CYP4F22: variants seen among roughly 807,000 people sequenced by gnomAD.
CYP4F22 encodes cytochrome P450 family 4 subfamily F member 22, also known as ultra-long-chain fatty acid omega-hydroxylase.
In CYP4F22, 37 loss-of-function variants were observed where a neutral mutation model predicts 60.4. The observed-to-expected ratio is 0.61, with a 90% CI of 0.47 to 0.81. CYP4F22 has a LOEUF of 0.81. CYP4F22 is among the 30% of genes least tolerant of loss of function. The pLI is 0.00. For synonymous variants in CYP4F22, 258 were observed against 280.5 expected, an observed-to-expected ratio of 0.92 and a Z score of 0.80; for missense variants, 655 against 715.0, an observed-to-expected ratio of 0.92 and a Z score of 0.96.
intron 8 of CYP4F22, among the ~76,000 whole-genome samples, chr19:15,541,909 A>G (rs992037716): frequency 7.9e-5 from 12 of 151,748 alleles, no homozygotes; most frequent in African/African-American, 2.7e-4. Flanking sequence ...CATGACCTTG[A>G]AGAGATGAGA....
At chr19:15,526,355 T>C (rs1203633139) in intron 3 of CYP4F22, among the ~76,000 whole-genome samples, 1 of 152,170 alleles carries the variant, frequency 6.6e-6, no homozygotes, top group Non-Finnish European at 1.5e-5. Context: ...TACCCTTTTA[T>C]TGCATTGAAT....
At position 15,544,012 on chromosome 19, in the gene CYP4F22, C is replaced by T. The variant is rs377660316; in HGVS notation, c.981C>T (p.Ala327=). 61 of 1,613,902 alleles carry T rather than the reference C, an allele frequency of 3.8e-5. No homozygotes were observed. The highest frequency in any genetic ancestry group is 5.1e-5 in the Non-Finnish European group (60 of 1,180,024). Residue 327 remains alanine (A), a synonymous_variant, in exon 9 of 14, where the codon GCC becomes GCT. Coordinates refer to ENST00000269703, the MANE Select transcript of CYP4F22 (RefSeq NM_173483.4). ...GKELSDEDIR[A]EADTFMFEGH... Reference sequence around the variant, plus strand: ...AACTGTCAGACGAGGATATCCGAGCCGAAGCAGACACCTTCATGTTTGAGG... The same window carrying T: ...AACTGTCAGACGAGGATATCCGAGCTGAAGCAGACACCTTCATGTTTGAGG...
At chr19:15,516,492 C>T (rs1971156380) in intron 1 of CYP4F22, among the ~76,000 whole-genome samples, 1 of 152,184 alleles carries the variant, frequency 6.6e-6, no homozygotes, top group African/African-American at 2.4e-5. Flanking sequence ...TGCTTCCCTC[C>T]TTTGTTCAGG....
chr19:15,533,381 TC>T (rs923714771), intron 4 of CYP4F22, among the ~76,000 whole-genome samples: 1 of 151,678 alleles, frequency 6.6e-6, no homozygotes, highest in African/African-American at 2.4e-5. Context: ...ATAAAAAAAC[TC>T]TGTACCCATT....
At chr19:15,534,784 C>G (rs1257164856) in intron 4 of CYP4F22, among the ~76,000 whole-genome samples, 1 of 152,084 alleles carries the variant, frequency 6.6e-6, no homozygotes, top group African/African-American at 2.4e-5. Flanking sequence ...GTCAGTGAAG[C>G]TGGGCCCCGA....
chr19:15,516,835 C>CTTT (rs756727270), intron 1 of CYP4F22: 179 of 207,786 alleles, frequency 8.6e-4, no homozygotes, highest in Middle Eastern at 1.6e-3. Context: ...AGATGTTATT[C>CTTT]TTTTTTTTTT....
chr19:15,538,030 G>A (rs769454591), intron 7 of CYP4F22, 37 bp downstream of exon 7: 25 of 1,613,344 alleles, frequency 1.5e-5, no homozygotes, highest in Non-Finnish European at 2.0e-5. Context: ...GGAGCCAGCT[G>A]CTCTAGGAGC....
rs554540436 is a variant in CYP4F22 at position 15,515,315 on chromosome 19, A to G, written c.-109+6732A>G. On this transcript the variant is annotated intron_variant, in intron 1 of 13. Coordinates refer to ENST00000269703, the MANE Select transcript of CYP4F22 (RefSeq NM_173483.4). ...TTTTCAGTGTATATGTTGGGATTTT[A>G]TAATGGTTCATGGCCAGAAAAGGTT... 338 of 1,168,024 alleles carry G rather than the reference A, an allele frequency of 2.9e-4. 1 individual carries two copies. The African/African-American group carries it at 4.8e-3, about 16-fold the overall frequency. 72.4% of individuals were successfully genotyped at this position (1,168,024 alleles called of 1,614,324 possible).
chr19:15,526,620 G>T (rs1382422707), intron 3 of CYP4F22, among the ~76,000 whole-genome samples: 1 of 152,174 alleles, frequency 6.6e-6, no homozygotes, highest in Non-Finnish European at 1.5e-5. Context: ...AGGTCACACA[G>T]CTTGTAAGTG....
At chr19:15,545,422 T>A (rs1599814900) in intron 10 of CYP4F22, among the ~76,000 whole-genome samples, 2 of 149,806 alleles carry the variant, frequency 1.3e-5, no homozygotes, top group African/African-American at 2.5e-5. Context: ...CCGAGGGGGG[T>A]GGATTGCTTG....
In CYP4F22 at chr19:15,548,195, A is replaced by G. The variant is rs541873962; in HGVS notation, c.1224A>G (p.Gln408=). ...QYPPVTLVSR[Q]CTEDIKLPDG... is the part of the protein sequence containing the mutation. ...CACCTGTCACTCTTGTCTCTCGCCA[A>G]TGCACGGAGGACATCAAGCTCCCAG... The change falls in exon 11 of 14, where the codon CAA becomes CAG. Residue 408 remains glutamine (Q), a synonymous_variant. Coordinates refer to ENST00000269703, the MANE Select transcript of CYP4F22 (RefSeq NM_173483.4). 1.2e-6 allele frequency: 2 copies of G among 1,614,122 alleles called. No individual in the cohort carries two copies. The highest frequency in any genetic ancestry group is 3.3e-5 in the Admixed American group (2 of 60,016).
chr19:15,512,703 A>G (rs1016000383), intron 1 of CYP4F22, among the ~76,000 whole-genome samples: 2 of 152,126 alleles, frequency 1.3e-5, no homozygotes, highest in Non-Finnish European at 2.9e-5. Flanking sequence ...TTGGCCTCCC[A>G]AAGTGCTGGG....
rs371553531 is a variant in CYP4F22, at chr19:15,532,549, A to AT, written c.367+2707dup. 6.7e-3 allele frequency among the ~76,000 whole-genome samples: 983 copies of AT among 145,724 alleles called. 13 individuals carry two copies. Among genetic ancestry groups the AT allele is most frequent in the African/African-American group, 0.022 (861 of 39,812 alleles). On this transcript the variant is annotated intron_variant, in intron 4 of 13. Transcript: ENST00000269703. The stretch of plus-strand genomic sequence containing the variant: ...ACCACCACACCTGGCTAATTTTTGT[A>AT]TTTTTTTTTTTCAGTAGAGACGGGG...
chr19:15,522,573 G>A lies in CYP4F22; in HGVS notation c.-108-1120G>A, dbSNP rs572951566. On this transcript the variant is annotated intron_variant, in intron 1 of 13. Transcript: ENST00000269703. ...CACCTATAGTCCCAGCTACTCTGGA[G>A]GCTGAGGTGGGAGGATTGCTTCAGC... 1.6e-3 allele frequency among the ~76,000 whole-genome samples: 239 copies of A among 152,274 alleles called. 1 individual carries two copies. Among genetic ancestry groups the A allele is most frequent in the African/African-American group, 5.5e-3 (229 of 41,560 alleles).
chr19:15,540,623 G>A lies in CYP4F22; in HGVS notation c.845G>A (p.Arg282Gln), dbSNP rs1368806849. The change falls in exon 8 of 14, where the codon CGG (arginine) becomes CAG (glutamine). Residue 282 changes from arginine to glutamine, a missense_variant. Transcript: ENST00000269703. ...TTCACCACTGAAGTCATCCAGGAAC[G>A]GCGGCGGGCACTGCGTCAGCAGGGG... ...HHFTTEVIQE[R>Q]RRALRQQGAE... 13 of 1,614,112 alleles carry A rather than the reference G, an allele frequency of 8.1e-6. No individual in the cohort carries two copies. In the East Asian group the frequency reaches 1.3e-4, roughly 17 times the overall value.
chr19:15,521,693 C>G (rs1971227341), intron 1 of CYP4F22, among the ~76,000 whole-genome samples: 2 of 151,874 alleles, frequency 1.3e-5, no homozygotes, highest in Non-Finnish European at 2.9e-5. Context: ...TTTTAAGATA[C>G]AGGATCTCCC....
chr19:15,514,056 ATTTG>A (rs990134726), intron 1 of CYP4F22, among the ~76,000 whole-genome samples: 6 of 152,216 alleles, frequency 3.9e-5, no homozygotes, highest in Non-Finnish European at 5.9e-5. Flanking sequence ...ATCAAAGTTC[ATTTG>A]TTTAAGTCCT....
chr19:15,511,158 G>T (rs1163479365), intron 1 of CYP4F22, among the ~76,000 whole-genome samples: 2 of 150,814 alleles, frequency 1.3e-5, no homozygotes, highest in Non-Finnish European at 2.9e-5. Context: ...TAGAGATGGG[G>T]TTTCTCCATG....
chr19:15,520,360 AAC>A (rs1160571750), intron 1 of CYP4F22, among the ~76,000 whole-genome samples: 8 of 149,438 alleles, frequency 5.4e-5, no homozygotes, highest in African/African-American at 1.7e-4. Context: ...AAAAAAAAAA[AAC>A]AAAAACTAAA....
Sources: allele counts gnomAD v4.1 joint callset (sites outside exome capture counted in the v4.1 genomes callset), GRCh38; gene constraint gnomAD v4.1.1; transcripts MANE v1.5; gene names NCBI Gene and HGNC (gene_info 2026-07-23, HGNC 2026-07-21).